Variants in NPTN observed in about 807,000 individuals in gnomAD.
NPTN encodes SDR-1.
Under a neutral mutation model 42.7 loss-of-function variants are expected in NPTN, and 5 were observed. The ratio of observed to expected loss-of-function variants is 0.12; its 90% CI spans 0.06 to 0.25. The LOEUF (loss-of-function observed/expected upper bound fraction) is 0.25, where lower values mean the gene tolerates loss of function less well. NPTN is among the 10% of genes least tolerant of loss of function. The probability of loss-of-function intolerance (pLI) is 1.00; values close to 1 mark genes in which losing one functional copy is unlikely to be tolerated. For missense variants in NPTN, 307 were observed against 525.4 expected, an observed-to-expected ratio of 0.58 and a Z score of 4.06; for synonymous variants, 180 against 201.9, an observed-to-expected ratio of 0.89 and a Z score of 0.92.
chr15:73,587,268 G>T (rs1333307512), intron 4 of NPTN, among the ~76,000 whole-genome samples: 1 of 152,182 alleles, frequency 6.6e-6, no homozygotes, highest in Non-Finnish European at 1.5e-5. Context: ...TGTAAGTACT[G>T]CTGATATCCT....
At chr15:73,632,818 C>G (rs996580100) in intron 1 of NPTN, 2 of 311,588 alleles carry the variant, frequency 6.4e-6, no homozygotes, top group East Asian at 1.0e-4. Context: ...TACTCCAGCT[C>G]CCCACGTCGG....
At chr15:73,627,522 C>T (rs1898480308) in intron 1 of NPTN, among the ~76,000 whole-genome samples, 1 of 152,116 alleles carries the variant, frequency 6.6e-6, no homozygotes, top group Non-Finnish European at 1.5e-5. Context: ...TAAATGTCTC[C>T]CCTAACTTAC....
intron 1 of NPTN, among the ~76,000 whole-genome samples, chr15:73,600,819 T>C (rs1471825399): frequency 6.6e-6 from 1 of 152,132 alleles, no homozygotes; most frequent in Non-Finnish European, 1.5e-5. Context: ...AGAGAAGCAC[T>C]GGGTCAAAGA....
chr15:73,629,816 C>G (rs1385469713), intron 1 of NPTN, among the ~76,000 whole-genome samples: 1 of 150,702 alleles, frequency 6.6e-6, no homozygotes, highest in Non-Finnish European at 1.5e-5. Flanking sequence ...GATACCTGGC[C>G]CACTTGAAAG....
intron 2 of NPTN, 140 bp downstream of exon 2, chr15:73,596,882 G>A: frequency 1.4e-6 from 1 of 703,586 alleles, no homozygotes; most frequent in Non-Finnish European, 2.4e-6. Flanking sequence ...AACCAGAAGG[G>A]TCATGGGATT....
At chr15:73,618,401 T>C (rs957722598) in intron 1 of NPTN, among the ~76,000 whole-genome samples, 1 of 152,220 alleles carries the variant, frequency 6.6e-6, no homozygotes, top group Non-Finnish European at 1.5e-5. Context: ...TCTAAACTTT[T>C]ATATTACACT....
intron 1 of NPTN, among the ~76,000 whole-genome samples, chr15:73,606,441 A>G (rs780701973): frequency 1.3e-5 from 2 of 152,224 alleles, no homozygotes; most frequent in Non-Finnish European, 2.9e-5. Flanking sequence ...TGGTTTTGCT[A>G]GCCATTAAAA....
chr15:73,624,594 G>A (rs1898302999), intron 1 of NPTN, among the ~76,000 whole-genome samples: 1 of 152,158 alleles, frequency 6.6e-6, no homozygotes, highest in Non-Finnish European at 1.5e-5. Flanking sequence ...CCTCCAGGAA[G>A]CAGTGTCTAA....
Position 73,568,220 on chromosome 15 carries a change from G to A in NPTN, c.1114+1930C>T, listed in dbSNP as rs1238652139. 1.5e-5 allele frequency: 15 copies of A among 985,358 alleles called. No homozygotes were observed. In the South Asian group the frequency reaches 2.3e-4, roughly 15 times the overall value. The allele number at this position is 985,358 out of a possible 1,614,324, so 61.0% of individuals were successfully genotyped here. On this transcript the variant is annotated intron_variant, in intron 6 of 8. Coordinates refer to ENST00000345330, the MANE Select transcript of NPTN (RefSeq NM_012428.4). Reference sequence around the variant, plus strand: ...GCACTGTGATAGCAACCTCATAAGCGCGGTGACTTCTTAGGGCAAAGACTA... The same window carrying A: ...GCACTGTGATAGCAACCTCATAAGCACGGTGACTTCTTAGGGCAAAGACTA...
chr15:73,624,068 C>T (rs1898275102), intron 1 of NPTN, among the ~76,000 whole-genome samples: 1 of 152,220 alleles, frequency 6.6e-6, no homozygotes, highest in Non-Finnish European at 1.5e-5. Context: ...CTAGTGCTCC[C>T]TGTTCCTAAG....
At chr15:73,602,556 C>T (rs1897125588) in intron 1 of NPTN, among the ~76,000 whole-genome samples, 1 of 152,170 alleles carries the variant, frequency 6.6e-6, no homozygotes, top group African/African-American at 2.4e-5. Flanking sequence ...CAGACTTGAG[C>T]CTACACAAAC....
Position 73,592,062 on chromosome 15 carries a change from A to C in NPTN, c.515T>G (p.Leu172Arg). The C allele has an allele frequency of 6.2e-7, 1 of 1,614,070 alleles. No individual in the cohort carries two copies. The highest frequency in any genetic ancestry group is 8.5e-7 in the Non-Finnish European group (1 of 1,179,980). Reference sequence around the variant, plus strand: ...TGTAAGGGTGTGAGAGCTGGAGGTGAGGTTACACTGCAGGGTGACAGGGAG... The same window carrying C: ...TGTAAGGGTGTGAGAGCTGGAGGTGCGGTTACACTGCAGGGTGACAGGGAG... The part of the protein sequence containing the change: ...PVLPVTLQCN[L>R]TSSSHTLTYS... Residue 172 changes from leucine (L) to arginine (R), a missense_variant, in exon 3 of 9, where the codon CTC (leucine) becomes CGC (arginine). Around this residue, in one of 2 missense-constraint regions of NPTN, gnomAD observed 264 missense variants for 491.1 expected, o/e 0.54. Transcript: ENST00000345330.
At chr15:73,574,924 G>A (rs1296220186) in intron 4 of NPTN, among the ~76,000 whole-genome samples, 3 of 152,194 alleles carry the variant, frequency 2.0e-5, no homozygotes, top group African/African-American at 4.8e-5. Context: ...AGATAAAAGC[G>A]AATTCTTTGG....
chr15:73,573,818 G>T (rs775643074), intron 4 of NPTN, 23 bp from the exon 5 acceptor site: 2 of 1,604,878 alleles, frequency 1.2e-6, no homozygotes, highest in East Asian at 2.3e-5. Flanking sequence ...GTTAGACGCA[G>T]TTACCACGGA....
At position 73,597,968 on chromosome 15, in the gene NPTN, T is replaced by C. The variant is rs1566976701; in HGVS notation, c.92-599A>G. The stretch of plus-strand genomic sequence containing the variant: ...TTCTCTCTCACACAGGATTCTATCC[T>C]GGGTTCGATTAGACTTTCTCCACCT... On this transcript the variant is annotated intron_variant, in intron 1 of 8. Coordinates refer to ENST00000345330, the MANE Select transcript of NPTN (RefSeq NM_012428.4). This position sits in a 1 kb window ranked among gnomAD's most constrained non-coding sequence, Gnocchi z 6.3. Among the ~76,000 whole-genome samples the C allele has an allele frequency of 6.6e-6, 1 of 152,212 alleles. No individual in the cohort carries two copies.
chr15:73,587,717 G>C, intron 3 of NPTN, 99 bp from the exon 4 acceptor site: 1 of 859,290 alleles, frequency 1.2e-6, no homozygotes, highest in Non-Finnish European at 1.9e-6. Flanking sequence ...CCTGCTCTCC[G>C]AACCCTTAAT....
At chr15:73,564,671 T>C (rs575496483) in intron 6 of NPTN, among the ~76,000 whole-genome samples, 1 of 152,012 alleles carries the variant, frequency 6.6e-6, no homozygotes, top group Non-Finnish European at 1.5e-5. Context: ...TACAAAGACA[T>C]ACCAGGTACT....
At chr15:73,605,844 T>C (rs1007800055) in intron 1 of NPTN, among the ~76,000 whole-genome samples, 1 of 152,178 alleles carries the variant, frequency 6.6e-6, no homozygotes, top group African/African-American at 2.4e-5. Context: ...CCTATGATCC[T>C]GAATATCCTC....
intron 1 of NPTN, among the ~76,000 whole-genome samples, chr15:73,622,554 C>G (rs1898188494): frequency 6.8e-6 from 1 of 148,010 alleles, no homozygotes; most frequent in African/African-American, 2.5e-5. Context: ...TCGAAAACAG[C>G]TTTAATTTCA....
Sources: allele counts gnomAD v4.1 joint callset (sites outside exome capture counted in the v4.1 genomes callset), GRCh38; gene constraint gnomAD v4.1.1; regional missense constraint gnomAD v4.1.1; non-coding constraint Gnocchi (gnomAD v3.1); transcripts MANE v1.5; gene names NCBI Gene and HGNC (gene_info 2026-07-23, HGNC 2026-07-21).